MAPK9: variants seen among roughly 807,000 people sequenced by gnomAD.
MAPK9 encodes the protein mitogen-activated protein kinase 9, also known as Jun kinase.
Under a neutral mutation model 57.1 loss-of-function variants are expected in MAPK9, and 30 were observed. The ratio of observed to expected loss-of-function variants is 0.53; its 90% CI spans 0.39 to 0.71. MAPK9 has a LOEUF of 0.71. MAPK9 is among the 30% of genes least tolerant of loss of function. The probability of loss-of-function intolerance (pLI) is 0.00; values close to 1 mark genes in which losing one functional copy is unlikely to be tolerated. For missense variants in MAPK9, 362 were observed against 521.0 expected, an observed-to-expected ratio of 0.69 and a Z score of 2.97; for synonymous variants, 155 against 177.0, an observed-to-expected ratio of 0.88 and a Z score of 0.99.
intron 5 of MAPK9, among the ~76,000 whole-genome samples, chr5:180,254,187 G>A (rs561827642): frequency 3.0e-4 from 45 of 152,152 alleles, no homozygotes; most frequent in African/African-American, 4.8e-4. Context: ...GGCTGGTGTC[G>A]AACTCTTGAC....
intron 5 of MAPK9, among the ~76,000 whole-genome samples, chr5:180,258,640 C>T (rs1309834209): frequency 2.0e-5 from 3 of 151,992 alleles, no homozygotes; most frequent in Non-Finnish European, 4.4e-5. Flanking sequence ...TGGAGAGAAA[C>T]CCAATGAATG....
In MAPK9 at chr5:180,250,142, T is replaced by C. The variant is rs34468420; in HGVS notation, c.451-1004A>G. ...GCCACCTCTCTTCCCTCCCCAGTGC[T>C]GACTCTGTGTGAGCTCTCAGCACTC... On this transcript the variant is annotated intron_variant, in intron 5 of 11. Coordinates refer to ENST00000452135, the MANE Select transcript of MAPK9 (RefSeq NM_002752.5). Among the ~76,000 whole-genome samples the C allele has an allele frequency of 1.6e-4, 25 of 152,312 alleles. 1 individual carries two copies. The East Asian group carries it at 4.4e-3, about 27-fold the overall frequency.
intron 8 of MAPK9, among the ~76,000 whole-genome samples, 156 bp from the exon 9 acceptor site, chr5:180,241,311 T>TTG (rs1432577681): frequency 1.3e-5 from 2 of 152,126 alleles, no homozygotes; most frequent in African/African-American, 2.4e-5. Flanking sequence ...AAAATTTTTT[T>TTG]TTTTTTTTTC....
At chr5:180,275,341 T>C (rs920972143) in intron 2 of MAPK9, among the ~76,000 whole-genome samples, 6 of 152,222 alleles carry the variant, frequency 3.9e-5, no homozygotes, top group Admixed American at 6.5e-5. Context: ...GCAAATGAGA[T>C]GATAATCTGA....
chr5:180,244,635 G>T (rs923840859), intron 7 of MAPK9, among the ~76,000 whole-genome samples: 2 of 152,018 alleles, frequency 1.3e-5, no homozygotes, highest in African/African-American at 4.8e-5. Context: ...TTAGCCAGGC[G>T]TGGTGGCGGG....
At chr5:180,268,163 T>C (rs989034581) in intron 3 of MAPK9, among the ~76,000 whole-genome samples, 4 of 152,192 alleles carry the variant, frequency 2.6e-5, no homozygotes, top group Non-Finnish European at 5.9e-5. Context: ...GTTATCAACA[T>C]AATGCTCAGC....
chr5:180,270,881 A>G (rs1164722718), intron 2 of MAPK9, among the ~76,000 whole-genome samples: 2 of 145,132 alleles, frequency 1.4e-5, no homozygotes, highest in Non-Finnish European at 3.0e-5. Context: ...AAAGAAAAAG[A>G]AAAAGAAAAA....
intron 3 of MAPK9, 70 bp downstream of exon 3, chr5:180,269,210 A>G: frequency 6.7e-7 from 1 of 1,498,150 alleles, no homozygotes; most frequent in Middle Eastern, 1.7e-4. Flanking sequence ...ATGTATCTCC[A>G]GAAAACCCTG....
At position 180,269,352 on chromosome 5, in the gene MAPK9, A is replaced by G; in HGVS notation, c.180T>C (p.Pro60=). The change falls in exon 3 of 12, where the codon CCT becomes CCC. Residue 60 remains proline (P), a synonymous_variant. Coordinates refer to ENST00000452135, the MANE Select transcript of MAPK9 (RefSeq NM_002752.5). The part of the protein sequence containing the change: ...INVAVKKLSR[P]FQNQTHAKRA... ...TCTTTGCATGAGTTTGGTTCTGAAA[A>G]GGACGGCTTAGTTTCTTGACTGCAA... is the stretch of plus-strand genomic sequence containing the variant. The G allele has an allele frequency of 6.2e-7, 1 of 1,614,076 alleles. No individual in the cohort carries two copies. The highest frequency in any genetic ancestry group is 8.5e-7 in the Non-Finnish European group (1 of 1,179,908).
chr5:180,270,858 C>CAAAA (rs761904802), intron 2 of MAPK9, among the ~76,000 whole-genome samples: 3 of 82,948 alleles, frequency 3.6e-5, no homozygotes, highest in East Asian at 3.5e-4. Context: ...CCCAGGGTCT[C>CAAAA]AAAAAAAAAA....
intron 5 of MAPK9, among the ~76,000 whole-genome samples, chr5:180,259,667 T>A (rs1759710056): frequency 6.6e-6 from 1 of 152,146 alleles, no homozygotes; most frequent in African/African-American, 2.4e-5. Context: ...ATTCCAGTTC[T>A]CTAGGTAAAC....
rs200390741 is a variant in MAPK9 at position 180,244,023 on chromosome 5, A to AT, written c.689-1269dup. Among the ~76,000 whole-genome samples, 1,496 of 152,092 alleles carry AT rather than the reference A, an allele frequency of 9.8e-3. 15 individuals are homozygous for AT. The highest frequency in any genetic ancestry group is 0.033 in the African/African-American group (1,378 of 41,470). On this transcript the variant is annotated intron_variant, in intron 7 of 11. Coordinates refer to ENST00000452135, the MANE Select transcript of MAPK9 (RefSeq NM_002752.5). Reference sequence around the variant, plus strand: ...CCATAACGGTCGGCTAATTTTTGTTATTTTTAGTAGAGATGGGGTTTCGCC... The same window carrying AT: ...CCATAACGGTCGGCTAATTTTTGTTATTTTTTAGTAGAGATGGGGTTTCGCC...
At chr5:180,263,624 G>A (rs1039054369) in intron 4 of MAPK9, among the ~76,000 whole-genome samples, 3 of 151,976 alleles carry the variant, frequency 2.0e-5, no homozygotes, top group East Asian at 1.9e-4. Flanking sequence ...AACACCAGGC[G>A]GGCATCCACT....
At chr5:180,258,951 T>C (rs1581223119) in intron 5 of MAPK9, among the ~76,000 whole-genome samples, 1 of 151,292 alleles carries the variant, frequency 6.6e-6, no homozygotes, top group East Asian at 1.9e-4. Flanking sequence ...GGAGAACTGC[T>C]TGAACCTGGG....
intron 2 of MAPK9, 81 bp downstream of exon 2, chr5:180,280,359 G>A: frequency 3.3e-6 from 5 of 1,525,164 alleles, no homozygotes; most frequent in Non-Finnish European, 4.4e-6. Flanking sequence ...AATCATCAAT[G>A]TTTCTAAATC....
intron 5 of MAPK9, among the ~76,000 whole-genome samples, chr5:180,254,587 C>T (rs1759072288): frequency 6.6e-6 from 1 of 152,194 alleles, no homozygotes; most frequent in African/African-American, 2.4e-5. Context: ...ATATGTGCTT[C>T]CAGACTGAAG....
rs560249874 is a variant in MAPK9 at position 180,268,643 on chromosome 5, C to T, written c.252+637G>A. Among the ~76,000 whole-genome samples, 7 of 150,596 alleles carry T rather than the reference C, an allele frequency of 4.6e-5. No homozygotes were observed. In the South Asian group the frequency reaches 6.4e-4, roughly 14 times the overall value. ...GAGATCGAGACCATCCCGGCTAACG[C>T]GGTGAAACCCTGTCTCTCCTAAAAA... On this transcript the variant is annotated intron_variant, in intron 3 of 11. Coordinates refer to ENST00000452135, the MANE Select transcript of MAPK9 (RefSeq NM_002752.5).
chr5:180,245,753 GC>G (rs1178059590), intron 7 of MAPK9, among the ~76,000 whole-genome samples: 1 of 152,178 alleles, frequency 6.6e-6, no homozygotes, highest in Admixed American at 6.5e-5. Context: ...CTGAGCTGGG[GC>G]CCGAGGTGGC....
At chr5:180,244,247 A>ATT (rs1251422714) in intron 7 of MAPK9, among the ~76,000 whole-genome samples, 5 of 151,950 alleles carry the variant, frequency 3.3e-5, no homozygotes, top group African/African-American at 4.8e-5. Flanking sequence ...CACAGCAACC[A>ATT]TCTGGGCTCC....
Sources: gnomAD v4.1 joint callset for allele counts (sites outside exome capture counted in the v4.1 genomes callset) on GRCh38, gnomAD v4.1.1 for gene constraint, MANE v1.5 for transcripts, NCBI Gene and HGNC (gene_info 2026-07-23, HGNC 2026-07-21) for gene names.